The following COL21A1 variants were observed in gnomAD, a reference collection of about 807,000 sequenced individuals.
The protein encoded by COL21A1 is collagen alpha-1(XXI) chain.
COL21A1 carries 149 observed loss-of-function variants against 137.9 expected under a neutral mutation model. That is an observed-to-expected ratio of 1.08 (90% CI 0.95 to 1.24). The LOEUF (loss-of-function observed/expected upper bound fraction) is 1.24, where lower values mean the gene tolerates loss of function less well. Among genes scored for constraint, COL21A1 ranks in the 50% most tolerant of loss-of-function variants. The pLI is 0.00. For missense variants in COL21A1, 1,167 were observed against 1,158.4 expected (o/e 1.01, Z -0.11); for synonymous variants, 456 against 391.5 (o/e 1.16, Z -1.95).
At chr6:56,351,847 GACA>G (rs1765717743) in intron 1 of COL21A1, among the ~76,000 whole-genome samples, 1 of 152,180 alleles carries the variant, frequency 6.6e-6, no homozygotes, top group Non-Finnish European at 1.5e-5. Context: ...ATTTTAACAA[GACA>G]TAGAGTCTTA....
chr6:56,243,038 T>C lies in COL21A1; in HGVS notation c.-39+4349A>G, dbSNP rs995764951. ...ATCCAGTGCCACCACTAACTCTTCA[T>C]GAGCCCTTGGCTAAGAATGACATCT... On this transcript the variant is annotated intron_variant, in intron 1 of 29. Transcript: ENST00000244728. 4.0e-5 allele frequency among the ~76,000 whole-genome samples: 6 copies of C among 151,896 alleles called. No individual in the cohort carries two copies. The South Asian group carries it at 1.2e-3, about 31-fold the overall frequency.
At chr6:56,370,420 C>A (rs1401232674) in intron 1 of COL21A1, among the ~76,000 whole-genome samples, 1 of 152,322 alleles carries the variant, frequency 6.6e-6, no homozygotes, top group Non-Finnish European at 1.5e-5. Flanking sequence ...AAATTTGACA[C>A]ACCAGCTAAA....
At chr6:56,286,738 C>A (rs544745955) in intron 1 of COL21A1, among the ~76,000 whole-genome samples, 134 of 152,204 alleles carry the variant, frequency 8.8e-4, no homozygotes, top group Admixed American at 1.3e-3. Flanking sequence ...CCTCTACTTA[C>A]CTCACAGGGT....
At chr6:56,273,390 A>G (rs541260473) in intron 1 of COL21A1, among the ~76,000 whole-genome samples, 7 of 152,324 alleles carry the variant, frequency 4.6e-5, no homozygotes, top group African/African-American at 1.4e-4. Flanking sequence ...AAAGAAGTGA[A>G]TGAAATTGAG....
intron 10 of COL21A1, among the ~76,000 whole-genome samples, chr6:56,142,736 G>A (rs568169998): frequency 1.8e-4 from 28 of 152,258 alleles, no homozygotes; most frequent in Admixed American, 4.6e-4. Context: ...CAGGTTAATG[G>A]ACCACCTGGC....
At chr6:56,148,507 C>T (rs1775030919) in intron 10 of COL21A1, among the ~76,000 whole-genome samples, 1 of 152,144 alleles carries the variant, frequency 6.6e-6, no homozygotes, top group Non-Finnish European at 1.5e-5. Flanking sequence ...CTTCTCCAAG[C>T]TAAATAATAG....
intron 1 of COL21A1, among the ~76,000 whole-genome samples, chr6:56,274,949 C>T (rs866325588): frequency 6.6e-6 from 1 of 152,034 alleles, no homozygotes; most frequent in African/African-American, 2.4e-5. Context: ...CATCACAGCA[C>T]TTGACTTAAA....
At chr6:56,298,519 T>G (rs1764209691) in intron 1 of COL21A1, among the ~76,000 whole-genome samples, 1 of 151,922 alleles carries the variant, frequency 6.6e-6, no homozygotes, top group Non-Finnish European at 1.5e-5. Flanking sequence ...GCCAGACATG[T>G]GGTCTGAGGA....
intron 17 of COL21A1, among the ~76,000 whole-genome samples, chr6:56,087,723 T>A (rs1376717542): frequency 5.9e-5 from 9 of 152,186 alleles, no homozygotes; most frequent in Non-Finnish European, 1.3e-4. Context: ...AGTTAGCCTA[T>A]CCTTTCCTGA....
At position 56,325,396 on chromosome 6, in the gene COL21A1, A is replaced by T. The variant is rs1327256095; in HGVS notation, c.-39+68575T>A. On this transcript the variant is annotated intron_variant, in intron 1 of 28. Coordinates refer to the COL21A1 transcript ENST00000370819. ...TATATATTATAATATATTATATATT[A>T]TATATATTATATATATTATATATTA... Among the ~76,000 whole-genome samples, 3 of 470 alleles carry T rather than the reference A, an allele frequency of 6.4e-3. 1 individual carries two copies. Among genetic ancestry groups the T allele is most frequent in the African/African-American group, 6.6e-3 (3 of 452 alleles). 0.3% of individuals were successfully genotyped at this position (470 alleles called of 152,430 possible).
chr6:56,099,593 CTCTTTT>C (rs1412772160), intron 17 of COL21A1, among the ~76,000 whole-genome samples: 2 of 151,918 alleles, frequency 1.3e-5, no homozygotes, highest in African/African-American at 4.8e-5. Context: ...TTCCCTCTTC[CTCTTTT>C]TCCTTCTTTT....
intron 1 of COL21A1, among the ~76,000 whole-genome samples, chr6:56,386,939 C>T (rs1007247683): frequency 2.0e-5 from 3 of 152,206 alleles, no homozygotes; most frequent in African/African-American, 4.8e-5. Context: ...GAAAGCCCTT[C>T]CATCTCCCTC....
intron 1 of COL21A1, among the ~76,000 whole-genome samples, chr6:56,339,606 C>A (rs1765422395): frequency 6.6e-6 from 1 of 152,182 alleles, no homozygotes; most frequent in Non-Finnish European, 1.5e-5. Flanking sequence ...GTAGCACACA[C>A]TTCATTAAAG....
intron 17 of COL21A1, among the ~76,000 whole-genome samples, chr6:56,079,475 A>G (rs1041040397): frequency 3.3e-5 from 5 of 151,650 alleles, no homozygotes; most frequent in African/African-American, 9.7e-5. Context: ...GCAAGTTCAC[A>G]TCCTTTCCCT....
intron 16 of COL21A1, among the ~76,000 whole-genome samples, chr6:56,120,204 A>C: frequency 6.6e-6 from 1 of 152,262 alleles, no homozygotes; most frequent in East Asian, 1.9e-4. Context: ...CTCTGTAGAA[A>C]AAAAATCCAA....
chr6:56,105,689 T>C (rs907521668), intron 16 of COL21A1, among the ~76,000 whole-genome samples: 2 of 152,214 alleles, frequency 1.3e-5, no homozygotes, highest in African/African-American at 4.8e-5. Flanking sequence ...TCTAGTTCTT[T>C]GTTTCCTCAT....
intron 12 of COL21A1, among the ~76,000 whole-genome samples, chr6:56,132,109 A>G (rs150471709): frequency 6.6e-6 from 1 of 150,874 alleles, no homozygotes; most frequent in African/African-American, 2.4e-5. Flanking sequence ...AATATAACCA[A>G]TATAAAATAT....
chr6:56,315,652 C>T (rs1189734904), intron 1 of COL21A1, among the ~76,000 whole-genome samples: 1 of 151,912 alleles, frequency 6.6e-6, no homozygotes. Flanking sequence ...CTCTCCTTCC[C>T]TCTTCCTTCC....
chr6:56,230,325 A>G (rs980402093), intron 1 of COL21A1, among the ~76,000 whole-genome samples: 10 of 151,936 alleles, frequency 6.6e-5, no homozygotes, highest in African/African-American at 1.7e-4. Context: ...CGGTCTCTCA[A>G]TGATAAATCA....
Sources: gnomAD v4.1 joint callset for allele counts (sites outside exome capture counted in the v4.1 genomes callset) on GRCh38, gnomAD v4.1.1 for gene constraint, MANE v1.5 for transcripts, NCBI Gene and HGNC (gene_info 2026-07-23, HGNC 2026-07-21) for gene names.